PDCD11: variants seen among roughly 807,000 people sequenced by gnomAD.
The protein encoded by PDCD11 is programmed cell death 11.
In PDCD11, 97 loss-of-function variants were observed where a neutral mutation model predicts 198.9. That is an observed-to-expected ratio of 0.49 (90% confidence interval 0.41 to 0.58). The LOEUF is 0.58. PDCD11 is among the 20% of genes least tolerant of loss of function. The pLI is 0.00. For missense variants in PDCD11, 2,102 were observed against 2,312.7 expected, an observed-to-expected ratio of 0.91 and a Z score of 1.87; for synonymous variants, 893 against 918.0, an observed-to-expected ratio of 0.97 and a Z score of 0.49.
chr10:103,396,768 T>C (rs1440647880), intron 1 of PDCD11, 38 bp downstream of exon 1: 1 of 152,358 alleles, frequency 6.6e-6, no homozygotes, highest in Non-Finnish European at 1.5e-5. Flanking sequence ...GGAAACCTCA[T>C]GGCTGTCAGG....
chr10:103,437,992 C>T, intron 25 of PDCD11, 23 bp from the exon 26 acceptor site: 1 of 1,608,332 alleles, frequency 6.2e-7, no homozygotes, highest in Non-Finnish European at 8.5e-7. Context: ...TTGAGCGTTT[C>T]CTTCTCTTTT....
intron 17 of PDCD11, 47 bp from the exon 18 acceptor site, chr10:103,422,941 G>A (rs1407027890): frequency 2.9e-6 from 4 of 1,401,400 alleles, no homozygotes; most frequent in African/African-American, 2.9e-5. Flanking sequence ...AGAACAGTGA[G>A]AGTTCTTTCA....
Position 103,425,031 on chromosome 10 carries a change from G to T in PDCD11, c.2811G>T (p.Lys937Asn), listed in dbSNP as rs766557048. The T allele has an allele frequency of 1.4e-5, 22 of 1,614,266 alleles. No individual in the cohort carries two copies. The highest frequency in any genetic ancestry group is 1.9e-5 in the Non-Finnish European group (22 of 1,180,050). ...AGGCGATTGTGCAGCACTTGGAGAA[G>T]TCCTTTGCCATTGCCTCCTTGGTAG... ...EHQAIVQHLE[K>N]SFAIASLVET... Residue 937 changes from lysine to asparagine, a missense_variant, in exon 20 of 36, where the codon AAG becomes AAT. Coordinates refer to ENST00000369797, the MANE Select transcript of PDCD11 (RefSeq NM_014976.2).
At chr10:103,397,361 T>C (rs572804732) in intron 1 of PDCD11, among the ~76,000 whole-genome samples, 2 of 152,302 alleles carry the variant, frequency 1.3e-5, no homozygotes, top group East Asian at 3.9e-4. Context: ...TCTCTCGCTT[T>C]CCCTGCTTAA....
rs200775700 is a variant in PDCD11 at position 103,407,606 on chromosome 10, T to TA, written c.870+817dup. 6.1e-3 allele frequency among the ~76,000 whole-genome samples: 924 copies of TA among 152,306 alleles called. 52 individuals carry two copies. The East Asian group carries it at 0.13, about 21-fold the overall frequency. On this transcript the variant is annotated intron_variant, in intron 7 of 35. Transcript: ENST00000369797. ...TATATATTTTATAGAGGTGAAGTCT[T>TA]ACTCTGTTGCCCAGGCTGGTGTTGA... is the stretch of plus-strand genomic sequence containing the variant.
At chr10:103,398,913 C>T (rs1316871034) in intron 2 of PDCD11, among the ~76,000 whole-genome samples, 1 of 152,162 alleles carries the variant, frequency 6.6e-6, no homozygotes, top group Non-Finnish European at 1.5e-5. Context: ...ACTTGGGAGG[C>T]TGAGGCATGA....
intron 22 of PDCD11, 74 bp downstream of exon 22, chr10:103,432,308 A>G: frequency 9.4e-7 from 1 of 1,059,168 alleles, no homozygotes; most frequent in Admixed American, 1.8e-5. Flanking sequence ...TGGAGAGAAA[A>G]GCCATTAGCA....
At position 103,422,055 on chromosome 10, in the gene PDCD11, TTTATTATTATTATTATTATTA is replaced by T. The variant is rs201558637; in HGVS notation, c.2497+512_2497+532del. Among the ~76,000 whole-genome samples, 1,030 of 127,452 alleles carry T rather than the reference TTTATTATTATTATTATTATTA, an allele frequency of 8.1e-3. 14 individuals carry two copies. Among genetic ancestry groups the T allele is most frequent in the South Asian group, 0.071 (283 of 3,982 alleles). The allele number at this position is 127,452 out of a possible 152,430, so 83.6% of individuals were successfully genotyped here. A position where few individuals can be genotyped will look rare whatever the true frequency, so the allele number is the denominator to read the frequency against. On this transcript the variant is annotated intron_variant, in intron 17 of 35. Transcript: ENST00000369797. ...GTATGACCTGCATAAAGTGCACAAT[TTTATTATTATTATTATTATTA>T]TTATTATTATTATTATTATTATTGA... is the stretch of plus-strand genomic sequence containing the variant.
chr10:103,405,221 G>T, intron 5 of PDCD11, 38 bp downstream of exon 5: 1 of 1,605,402 alleles, frequency 6.2e-7, no homozygotes, highest in East Asian at 2.2e-5. Flanking sequence ...GTGGCAATGT[G>T]CCTTCTCTCT....
rs1359418188 is a variant in PDCD11 at position 103,425,415 on chromosome 10, C to G, written c.3195C>G (p.Ala1065=). The G allele has an allele frequency of 4.3e-6, 7 of 1,613,950 alleles. No individual in the cohort carries two copies. The highest frequency in any genetic ancestry group is 5.9e-6 in the Non-Finnish European group (7 of 1,180,018). Residue 1065 remains alanine (A), a synonymous_variant, in exon 20 of 36, where the codon GCC becomes GCG. Transcript: ENST00000369797. The stretch of plus-strand genomic sequence containing the variant: ...ATGGCATTATTGGCTGTATCCATGC[C>G]TCCCACATTCTAGATGATGTTCCAG... ...LEDGIIGCIH[A]SHILDDVPEG...
intron 34 of PDCD11, 65 bp downstream of exon 34, chr10:103,444,133 G>T: frequency 7.1e-7 from 1 of 1,411,088 alleles, no homozygotes. Context: ...GGAACTGGCT[G>T]TGGCATTGCT....
chr10:103,406,982 C>T (rs556505169), intron 7 of PDCD11, among the ~76,000 whole-genome samples, 192 bp downstream of exon 7: 2 of 152,290 alleles, frequency 1.3e-5, no homozygotes, highest in South Asian at 4.1e-4. Flanking sequence ...AAAAACTATA[C>T]TAAAAAGTCT....
intron 3 of PDCD11, among the ~76,000 whole-genome samples, chr10:103,401,339 C>T (rs574102350): frequency 6.6e-6 from 1 of 152,060 alleles, no homozygotes; most frequent in Admixed American, 6.6e-5. Flanking sequence ...GTGATGTGAT[C>T]TCAGCTCACT....
At chr10:103,441,413 A>G (rs2032379169) in intron 30 of PDCD11, among the ~76,000 whole-genome samples, 1 of 152,038 alleles carries the variant, frequency 6.6e-6, no homozygotes, top group African/African-American at 2.4e-5. Flanking sequence ...ATGCACCACC[A>G]TGCCTGGCTA....
At chr10:103,439,711 T>A (rs1414297614) in intron 27 of PDCD11, 35 bp from the exon 28 acceptor site, 2 of 1,613,854 alleles carry the variant, frequency 1.2e-6, no homozygotes, top group Admixed American at 3.3e-5. Context: ...GTTGTTGCAT[T>A]TGTGACCACA....
intron 17 of PDCD11, 114 bp downstream of exon 17, chr10:103,421,681 G>C (rs957734607): frequency 1.2e-6 from 1 of 835,742 alleles, no homozygotes; most frequent in Non-Finnish European, 1.8e-6. Context: ...AAAAAAATTT[G>C]GGGCCGGGCG....
rs1193260034 is a variant in PDCD11, at chr10:103,430,616, C to T, written c.3369-1513C>T. On this transcript the variant is annotated intron_variant, in intron 21 of 35. Coordinates refer to ENST00000369797, the MANE Select transcript of PDCD11 (RefSeq NM_014976.2). ...AAAGGTTTCTATTTCTCTACATCCT[C>T]GCCAACACTCGTTATTTTCTTTTTT... 2.0e-5 allele frequency among the ~76,000 whole-genome samples: 3 copies of T among 151,592 alleles called. No individual in the cohort carries two copies. In the East Asian group the frequency reaches 5.8e-4, roughly 29 times the overall value.
intron 27 of PDCD11, 48 bp downstream of exon 27, chr10:103,438,856 C>T: frequency 1.2e-6 from 2 of 1,604,920 alleles, no homozygotes; most frequent in Middle Eastern, 2.1e-4. Context: ...TTCCCTGAGC[C>T]TGTGTTGCTC....
chr10:103,415,512 G>C (rs1397772913), intron 12 of PDCD11, among the ~76,000 whole-genome samples: 1 of 152,188 alleles, frequency 6.6e-6, no homozygotes, highest in African/African-American at 2.4e-5. Context: ...CAGGTATTCC[G>C]TGCCAGTTTC....
Sources: allele counts gnomAD v4.1 joint callset (sites outside exome capture counted in the v4.1 genomes callset), GRCh38; gene constraint gnomAD v4.1.1; transcripts MANE v1.5; gene names NCBI Gene and HGNC (gene_info 2026-07-23, HGNC 2026-07-21).